Variants in USP6 observed in about 807,000 individuals in gnomAD.
USP6 encodes the protein ubiquitin specific peptidase 6.
Under a neutral mutation model 175.7 loss-of-function variants are expected in USP6, and 128 were observed. The observed-to-expected ratio is 0.73, with a 90% CI of 0.63 to 0.84. The LOEUF is 0.84. USP6 is among the 40% of genes least tolerant of loss of function. USP6 has a pLI of 0.00. For synonymous variants in USP6, 562 were observed against 630.6 expected (o/e 0.89, Z 1.63); for missense variants, 1,498 against 1,760.3 (o/e 0.85, Z 2.67).
At chr17:5,123,644 G>C (rs1419012964) in intron 4 of USP6, among the ~76,000 whole-genome samples, 2 of 152,158 alleles carry the variant, frequency 1.3e-5, no homozygotes, top group Non-Finnish European at 2.9e-5. Flanking sequence ...AGCAGGACAG[G>C]GACCCGCAGA....
In USP6 at chr17:5,161,773, TGAG is replaced by T. The variant is rs373324960; in HGVS notation, c.2915+160_2915+162del. 4.6e-4 allele frequency among the ~76,000 whole-genome samples: 70 copies of T among 152,366 alleles called. No individual in the cohort carries two copies. In the East Asian group the frequency reaches 0.011, roughly 24 times the overall value. Reference sequence around the variant, plus strand: ...GCTCAGGCCTGTAATCCCATCACTTTGAGAAGCCGAGGCGGGTGGATCACCTGA... The same window carrying T: ...GCTCAGGCCTGTAATCCCATCACTTTAAGCCGAGGCGGGTGGATCACCTGA... On this transcript the variant is annotated intron_variant, in intron 32 of 37. Coordinates refer to ENST00000574788, the MANE Select transcript of USP6 (RefSeq NM_001304284.2).
At chr17:5,169,500 A>G (rs963566001) in intron 35 of USP6, among the ~76,000 whole-genome samples, 7 of 152,094 alleles carry the variant, frequency 4.6e-5, no homozygotes, top group Admixed American at 1.3e-4. Flanking sequence ...CAGTGGTGCA[A>G]CACAGATCAC....
chr17:5,139,112 G>C (rs1273039654), intron 21 of USP6, 143 bp from the exon 22 acceptor site: 1 of 1,596,548 alleles, frequency 6.3e-7, no homozygotes, highest in Non-Finnish European at 8.5e-7. Context: ...GGGATCAGCA[G>C]ACTACAGGCG....
chr17:5,166,407 G>A (rs1478397445), intron 33 of USP6, among the ~76,000 whole-genome samples: 2 of 152,072 alleles, frequency 1.3e-5, no homozygotes, highest in African/African-American at 2.4e-5. Flanking sequence ...AAAAAGTCTC[G>A]CCTGAAAACC....
chr17:5,123,872 CT>C (rs139031753), intron 4 of USP6, among the ~76,000 whole-genome samples: 2,404 of 152,004 alleles, frequency 0.016, 60 homozygotes, highest in African/African-American at 0.054. Context: ...CGTACACCCC[CT>C]AATGCATGCT....
At chr17:5,143,620 AG>A (rs1366923219) in intron 25 of USP6, among the ~76,000 whole-genome samples, 1 of 151,976 alleles carries the variant, frequency 6.6e-6, no homozygotes, top group Non-Finnish European at 1.5e-5. Context: ...AACACTGCGG[AG>A]GGCCGCAGGG....
chr17:5,136,298 G>C (rs2073251503), intron 17 of USP6, among the ~76,000 whole-genome samples: 1 of 152,214 alleles, frequency 6.6e-6, no homozygotes, highest in African/African-American at 2.4e-5. Context: ...AAGCCCAGGT[G>C]GCAGCATCTC....
chr17:5,133,821 C>G (rs1348703064), intron 14 of USP6, 66 bp from the exon 15 acceptor site: 1 of 1,497,232 alleles, frequency 6.7e-7, no homozygotes, highest in Non-Finnish European at 9.3e-7. Context: ...GGGCTGACTG[C>G]CATTTGGGGC....
rs2074220045 is a variant in USP6, at chr17:5,171,664, T to C, written c.4032T>C (p.Asn1344=). Residue 1344 remains asparagine, a synonymous_variant, in exon 37 of 38, where the codon AAT becomes AAC. Transcript: ENST00000574788. ...KNPNCKWYCY[N]DSSCEELHPD... ...CAAACTGCAAGTGGTACTGTTATAA[T>C]GACAGCAGCTGTGAGGTAAACATTC... 1.1e-5 allele frequency: 18 copies of C among 1,613,668 alleles called. No individual in the cohort carries two copies. The highest frequency in any genetic ancestry group is 1.4e-5 in the Non-Finnish European group (16 of 1,179,776).
rs112463664 is a variant in USP6, at chr17:5,134,157, C to T, written c.494+161C>T. 5.7e-4 allele frequency: 416 copies of T among 733,920 alleles called. 2 individuals carry two copies. In the African/African-American group the frequency reaches 6.3e-3, roughly 11 times the overall value. The allele number at this position is 733,920 out of a possible 1,614,324, so 45.5% of individuals were successfully genotyped here. On this transcript the variant is annotated intron_variant, in intron 15 of 37. Transcript: ENST00000574788. Reference sequence around the variant, plus strand: ...CCGGCACCATGAACCGAGCACCTCCCTGGTTCCAAGCCCTGGGCCAGGCTG... The same window carrying T: ...CCGGCACCATGAACCGAGCACCTCCTTGGTTCCAAGCCCTGGGCCAGGCTG...
At chr17:5,126,567 T>A (rs2072900742) in intron 6 of USP6, among the ~76,000 whole-genome samples, 1 of 152,170 alleles carries the variant, frequency 6.6e-6, no homozygotes, top group African/African-American at 2.4e-5. Flanking sequence ...TCTCTCTCTG[T>A]CTCTTTGCGT....
intron 27 of USP6, 46 bp from the exon 28 acceptor site, chr17:5,145,977 A>C (rs1251554554): frequency 6.5e-7 from 1 of 1,531,930 alleles, no homozygotes; most frequent in East Asian, 2.3e-5. Context: ...TAAGGCTTTC[A>C]ATGAAACCTG....
chr17:5,172,043 C>T (rs779754375), intron 37 of USP6, among the ~76,000 whole-genome samples: 14 of 151,030 alleles, frequency 9.3e-5, no homozygotes, highest in Non-Finnish European at 1.8e-4. Flanking sequence ...GGCATGTTGG[C>T]GCATGCCTGT....
rs775835427 is a variant in USP6, at chr17:5,132,964, T to A, written c.250T>A (p.Trp84Arg). ...CAAGTGGATGGAAATGCTGGGAGAA[T>A]GGGAGACATATAAGCACAGTAGCAA... ...TSKWMEMLGE[W>R]ETYKHSSKLI... Residue 84 changes from tryptophan to arginine, a missense_variant, in exon 13 of 38, where the codon TGG becomes AGG. Physicochemically the swap from Trp to Arg is moderately radical, Grantham distance 101 (BLOSUM62 -3). Transcript: ENST00000574788. This position sits in a 1 kb window ranked among gnomAD's most constrained non-coding sequence, Gnocchi z 4.7. 98 of 1,613,862 alleles carry A rather than the reference T, an allele frequency of 6.1e-5. No individual in the cohort carries two copies. Among genetic ancestry groups the A allele is most frequent in the Non-Finnish European group, 7.9e-5 (93 of 1,179,988 alleles).
At position 5,137,850 on chromosome 17, in the gene USP6, C is replaced by T. The variant is rs955445805; in HGVS notation, c.925+100C>T. ...CACACTGTCCTCATGATCCTCTGTT[C>T]TGGCCCAGAGGGAGGTCTGGCCAGG... On this transcript the variant is annotated intron_variant, in intron 20 of 37. Transcript: ENST00000574788. 1.3e-5 allele frequency: 20 copies of T among 1,588,974 alleles called. No homozygotes were observed. The African/African-American group carries it at 2.7e-4, about 21-fold the overall frequency.
intron 11 of USP6, among the ~76,000 whole-genome samples, chr17:5,131,655 C>A (rs760002072): frequency 6.7e-6 from 1 of 148,574 alleles, no homozygotes; most frequent in East Asian, 2.1e-4. Flanking sequence ...CATTCTGGGC[C>A]TCTCACGGTG....
chr17:5,122,536 CG>C (rs1388816936), intron 4 of USP6, among the ~76,000 whole-genome samples: 4 of 152,238 alleles, frequency 2.6e-5, no homozygotes, highest in Non-Finnish European at 5.9e-5. Flanking sequence ...CCTTGGCCCG[CG>C]TGCCACCCGG....
chr17:5,132,219 C>T lies in USP6; in HGVS notation c.156-177C>T. 6.4e-7 allele frequency: 1 copy of T among 1,565,840 alleles called. No homozygotes were observed. The highest frequency in any genetic ancestry group is 1.1e-5 in the South Asian group (1 of 87,120). ...GCACTCCTTCTTCTCCCAGGTCCTG[C>T]CCCTCCTGGGAGTCAGAGCCACAGG... On this transcript the variant is annotated intron_variant, in intron 11 of 37. Coordinates refer to ENST00000574788, the MANE Select transcript of USP6 (RefSeq NM_001304284.2). This position sits in a 1 kb window ranked among gnomAD's most constrained non-coding sequence, Gnocchi z 4.7.
Position 5,161,516 on chromosome 17 carries a change from C to T in USP6, c.2829-12C>T. The T allele has an allele frequency of 1.9e-6, 3 of 1,612,818 alleles. No individual in the cohort carries two copies. The South Asian group carries it at 3.3e-5, about 18-fold the overall frequency. On this transcript the variant is annotated splice_polypyrimidine_tract_variant and intron_variant, in intron 31 of 37. Coordinates refer to ENST00000574788, the MANE Select transcript of USP6 (RefSeq NM_001304284.2). ...ATGCTTCTTACACTCTTTTTGTTCT[C>T]TTCTGTTTCAGTGATAACTGTATGG...
Sources: gnomAD v4.1 joint callset for allele counts (sites outside exome capture counted in the v4.1 genomes callset) on GRCh38, gnomAD v4.1.1 for gene constraint, Gnocchi (gnomAD v3.1) non-coding constraint, MANE v1.5 for transcripts, NCBI Gene and HGNC (gene_info 2026-07-23, HGNC 2026-07-21) for gene names.